SUSD1: variants seen among roughly 807,000 people sequenced by gnomAD.
The protein encoded by SUSD1 is sushi domain containing 1.
Under a neutral mutation model 86.9 loss-of-function variants are expected in SUSD1, and 65 were observed. That is an observed-to-expected ratio of 0.75 (90% confidence interval 0.61 to 0.92). The LOEUF (loss-of-function observed/expected upper bound fraction) is 0.92. SUSD1 is among the 40% of genes least tolerant of loss of function. The pLI is 0.00. For missense variants in SUSD1, 850 were observed against 929.7 expected (o/e 0.91, Z 1.11); for synonymous variants, 346 against 350.0 (o/e 0.99, Z 0.13).
intron 15 of SUSD1, among the ~76,000 whole-genome samples, chr9:112,050,278 G>A (rs1828131692): frequency 1.3e-5 from 2 of 152,144 alleles, no homozygotes; most frequent in Non-Finnish European, 2.9e-5. Context: ...GTCAAGAGGG[G>A]CCCTCACTGC....
chr9:112,142,961 C>CTTTTTTTTTTTTTT lies in SUSD1; in HGVS notation c.527-476_527-463dup, dbSNP rs529470594. Among the ~76,000 whole-genome samples, 2 of 30,178 alleles carry CTTTTTTTTTTTTTT rather than the reference C, an allele frequency of 6.6e-5. 1 individual carries two copies. The highest frequency in any genetic ancestry group is 1.4e-4 in the Non-Finnish European group (2 of 14,304). 19.8% of individuals were successfully genotyped at this position (30,178 alleles called of 152,430 possible). On this transcript the variant is annotated intron_variant, in intron 4 of 16. Coordinates refer to ENST00000374270, the MANE Select transcript of SUSD1 (RefSeq NM_022486.5). ...AATCCTTTAAGTTTATGAATTTTAG[C>CTTTTTTTTTTTTTT]TTTTTTTTTTTTTTTTTTTTTTTTT...
chr9:112,111,977 T>C, intron 7 of SUSD1, 137 bp from the exon 8 acceptor site: 1 of 824,420 alleles, frequency 1.2e-6, no homozygotes, highest in African/African-American at 1.7e-5. Context: ...AAGGTAAACC[T>C]GGTCTGCTGA....
chr9:112,121,670 G>C (rs1251304116), intron 6 of SUSD1, among the ~76,000 whole-genome samples: 1 of 152,138 alleles, frequency 6.6e-6, no homozygotes, highest in Non-Finnish European at 1.5e-5. Context: ...AATGTTGGTG[G>C]GCAAGACCAC....
intron 11 of SUSD1, among the ~76,000 whole-genome samples, chr9:112,079,619 T>C (rs1264255766): frequency 1.4e-5 from 2 of 146,754 alleles, no homozygotes; most frequent in Non-Finnish European, 3.0e-5. Flanking sequence ...TTTTTTTTTT[T>C]CGAGACAAAG....
intron 15 of SUSD1, among the ~76,000 whole-genome samples, chr9:112,046,853 A>G (rs1219451358): frequency 6.6e-6 from 1 of 152,246 alleles, no homozygotes; most frequent in Non-Finnish European, 1.5e-5. Flanking sequence ...ATAAGTTTAA[A>G]GATTAATTTA....
At chr9:112,075,587 C>T (rs1336920431) in intron 12 of SUSD1, among the ~76,000 whole-genome samples, 1 of 151,772 alleles carries the variant, frequency 6.6e-6, no homozygotes, top group African/African-American at 2.4e-5. Context: ...AAAAAAATCC[C>T]TTTTGTAATT....
At chr9:112,158,736 C>T (rs929099800) in intron 1 of SUSD1, among the ~76,000 whole-genome samples, 1 of 152,098 alleles carries the variant, frequency 6.6e-6, no homozygotes, top group African/African-American at 2.4e-5. Context: ...TTCCTCTGTG[C>T]TCCCCTAACA....
At chr9:112,076,658 T>C (rs559720774) in intron 12 of SUSD1, among the ~76,000 whole-genome samples, 1 of 152,322 alleles carries the variant, frequency 6.6e-6, no homozygotes, top group Non-Finnish European at 1.5e-5. Flanking sequence ...TTGGAAATCC[T>C]CTGCATATAG....
intron 3 of SUSD1, among the ~76,000 whole-genome samples, chr9:112,144,446 T>C (rs1344961282): frequency 1.3e-5 from 2 of 151,950 alleles, no homozygotes; most frequent in African/African-American, 4.8e-5. Flanking sequence ...AACAAAAGAA[T>C]GGTCCCAACC....
At chr9:112,168,963 C>A (rs1249975607) in intron 1 of SUSD1, among the ~76,000 whole-genome samples, 1 of 152,152 alleles carries the variant, frequency 6.6e-6, no homozygotes, top group East Asian at 1.9e-4. Flanking sequence ...AGGAAATAAG[C>A]CAACGGGGCC....
intron 16 of SUSD1, 110 bp from the exon 17 acceptor site, chr9:112,041,602 G>A (rs1827739750): frequency 1.3e-6 from 1 of 748,674 alleles, no homozygotes; most frequent in East Asian, 2.5e-5. Flanking sequence ...GAGGCGAGGG[G>A]GAGCAGCATG....
In SUSD1 at chr9:112,137,218, G is replaced by C. The variant is rs78200888; in HGVS notation, c.706+5102C>G. Among the ~76,000 whole-genome samples, 1,288 of 152,280 alleles carry C rather than the reference G, an allele frequency of 8.5e-3. 17 individuals carry two copies. The highest frequency in any genetic ancestry group is 0.029 in the African/African-American group (1,220 of 41,544). ...ACTTTGGAAACCATGTGCTCAGAAA[G>C]GAGCAGGCACAGCAGTGAGAAACCG... On this transcript the variant is annotated intron_variant, in intron 5 of 16. Coordinates refer to ENST00000374270, the MANE Select transcript of SUSD1 (RefSeq NM_022486.5).
intron 3 of SUSD1, among the ~76,000 whole-genome samples, chr9:112,148,297 A>G (rs1351490476): frequency 6.6e-6 from 1 of 152,144 alleles, no homozygotes; most frequent in Non-Finnish European, 1.5e-5. Context: ...AGTTCAGATA[A>G]CAGAGGAGCC....
At chr9:112,119,095 T>A (rs988887631) in intron 6 of SUSD1, among the ~76,000 whole-genome samples, 15 of 152,282 alleles carry the variant, frequency 9.9e-5, no homozygotes, top group African/African-American at 3.4e-4. Flanking sequence ...TGAGTGACCA[T>A]GTAAAAGTCA....
At chr9:112,063,568 C>T (rs997446457) in intron 12 of SUSD1, among the ~76,000 whole-genome samples, 5 of 152,186 alleles carry the variant, frequency 3.3e-5, no homozygotes, top group Non-Finnish European at 7.3e-5. Flanking sequence ...AAGACCACCA[C>T]ATCAGCCTTC....
rs1341741504 is a variant in SUSD1 at position 112,143,695 on chromosome 9, T to C, written c.374-72A>G. ...AGAAAAAAAAAAGGAGAGGATATTGTGACAGCCATTTTTTCACATTTTCAA... is the reference window on the plus strand; with the variant it reads ...AGAAAAAAAAAAGGAGAGGATATTGCGACAGCCATTTTTTCACATTTTCAA... On this transcript the variant is annotated intron_variant, in intron 3 of 16. Coordinates refer to ENST00000374270, the MANE Select transcript of SUSD1 (RefSeq NM_022486.5). The C allele has an allele frequency of 7.6e-6, 11 of 1,443,504 alleles. No individual in the cohort carries two copies. The South Asian group carries it at 9.9e-5, about 13-fold the overall frequency. 89.4% of individuals were successfully genotyped at this position (1,443,504 alleles called of 1,614,324 possible). A position where few individuals can be genotyped will look rare whatever the true frequency, so the allele number is the denominator to read the frequency against.
Position 112,119,264 on chromosome 9 carries a change from T to C in SUSD1, c.886+4993A>G, listed in dbSNP as rs113512342. Among the ~76,000 whole-genome samples, 231 of 152,384 alleles carry C rather than the reference T, an allele frequency of 1.5e-3. 1 individual carries two copies. The highest frequency in any genetic ancestry group is 2.5e-3 in the African/African-American group (105 of 41,586). On this transcript the variant is annotated intron_variant, in intron 6 of 16. Transcript: ENST00000374270. The stretch of plus-strand genomic sequence containing the variant: ...GCTCAGCCAGCAGTAGCTATAATGC[T>C]TGATGGTCCAAACCTCATTCACATA...
intron 14 of SUSD1, among the ~76,000 whole-genome samples, chr9:112,055,313 C>T (rs1828400616): frequency 6.6e-6 from 1 of 152,126 alleles, no homozygotes; most frequent in Non-Finnish European, 1.5e-5. Flanking sequence ...GTAGTCCCAG[C>T]TACTCAGGTG....
At position 112,113,306 on chromosome 9, in the gene SUSD1, G is replaced by A. The variant is rs567229050; in HGVS notation, c.887-438C>T. Among the ~76,000 whole-genome samples, 66 of 152,230 alleles carry A rather than the reference G, an allele frequency of 4.3e-4. No homozygotes were observed. The highest frequency in any genetic ancestry group is 1.3e-3 in the African/African-American group (56 of 41,522). Reference sequence around the variant, plus strand: ...CTTCAAGTCACTGCTATCCCCAGGGGGAAAATGACATGTCTCACCACACAG... The same window carrying A: ...CTTCAAGTCACTGCTATCCCCAGGGAGAAAATGACATGTCTCACCACACAG... On this transcript the variant is annotated intron_variant, in intron 6 of 16. Coordinates refer to ENST00000374270, the MANE Select transcript of SUSD1 (RefSeq NM_022486.5). The surrounding 1 kb of genome is among the most constrained non-coding windows in gnomAD (Gnocchi z 4.1).
Sources: allele counts gnomAD v4.1 joint callset (sites outside exome capture counted in the v4.1 genomes callset), GRCh38; gene constraint gnomAD v4.1.1; non-coding constraint Gnocchi (gnomAD v3.1); transcripts MANE v1.5; gene names NCBI Gene and HGNC (gene_info 2026-07-23, HGNC 2026-07-21).